The following ZNF148 variants were observed in gnomAD, a reference collection of about 807,000 sequenced individuals.
The protein encoded by ZNF148 is zinc finger protein 148.
Under a neutral mutation model 67.7 loss-of-function variants are expected in ZNF148, and 7 were observed. That is an observed-to-expected ratio of 0.10 (90% CI 0.06 to 0.19). The LOEUF is 0.19. Among genes scored for constraint, ZNF148 ranks in the 10% least tolerant of loss-of-function variants. The pLI is 1.00. For synonymous variants in ZNF148, 333 were observed against 330.7 expected (o/e 1.01, Z -0.08); for missense variants, 583 against 947.1 (o/e 0.62, Z 5.05).
At chr3:125,279,937 G>A (rs1938287580) in intron 5 of ZNF148, among the ~76,000 whole-genome samples, 1 of 151,630 alleles carries the variant, frequency 6.6e-6, no homozygotes, top group Non-Finnish European at 1.5e-5. Context: ...ATGGGAGGGA[G>A]GTTTTACACT....
chr3:125,367,821 A>G (rs1942747448), intron 1 of ZNF148, among the ~76,000 whole-genome samples: 1 of 152,218 alleles, frequency 6.6e-6, no homozygotes, highest in South Asian at 2.1e-4. Context: ...GTACAGGCTC[A>G]TAAAAGAACA....
Position 125,234,188 on chromosome 3 carries a change from G to T in ZNF148, c.786+23C>A, listed in dbSNP as rs375288514. 20 of 1,469,898 alleles carry T rather than the reference G, an allele frequency of 1.4e-5. No individual in the cohort carries two copies. The Admixed American group carries it at 3.2e-4, about 23-fold the overall frequency. 91.1% of individuals were successfully genotyped at this position (1,469,898 alleles called of 1,614,324 possible). On this transcript the variant is annotated intron_variant, in intron 8 of 8. Coordinates refer to ENST00000360647, the MANE Select transcript of ZNF148 (RefSeq NM_021964.3). ...ATTGTATAATTTAATTACAGTAGAA[G>T]AATTTCAAGCCATCTCTCTTACCTG...
At chr3:125,280,061 T>C (rs536166743) in intron 5 of ZNF148, among the ~76,000 whole-genome samples, 1 of 152,292 alleles carries the variant, frequency 6.6e-6, no homozygotes, top group African/African-American at 2.4e-5. Context: ...TGTTTCAGTC[T>C]AGGATCACTA....
intron 7 of ZNF148, among the ~76,000 whole-genome samples, chr3:125,258,522 C>A (rs558330546): frequency 4.4e-4 from 67 of 151,620 alleles, no homozygotes; most frequent in African/African-American, 1.6e-3. Context: ...CCACCTTATC[C>A]TCCCAAGTAG....
intron 2 of ZNF148, among the ~76,000 whole-genome samples, chr3:125,324,126 A>G (rs2107695809): frequency 6.6e-6 from 1 of 152,268 alleles, no homozygotes; most frequent in East Asian, 1.9e-4. Flanking sequence ...GCACATGTAT[A>G]CATATGTAAC....
intron 7 of ZNF148, among the ~76,000 whole-genome samples, chr3:125,246,675 T>C (rs1221289913): frequency 1.3e-5 from 2 of 152,194 alleles, no homozygotes; most frequent in Non-Finnish European, 2.9e-5. Flanking sequence ...TACTTACATA[T>C]TGATTATACG....
chr3:125,268,833 A>G (rs1937600212), intron 7 of ZNF148, among the ~76,000 whole-genome samples: 2 of 152,288 alleles, frequency 1.3e-5, no homozygotes, highest in South Asian at 4.1e-4. Context: ...AACTGCAACA[A>G]AAACAAAAAT....
intron 5 of ZNF148, among the ~76,000 whole-genome samples, chr3:125,284,126 A>G (rs1490191929): frequency 6.6e-6 from 1 of 152,174 alleles, no homozygotes; most frequent in Admixed American, 6.6e-5. Flanking sequence ...AGACCTATAT[A>G]ATATATACAA....
intron 3 of ZNF148, among the ~76,000 whole-genome samples, chr3:125,316,900 A>G (rs1362523919): frequency 6.6e-6 from 1 of 152,148 alleles, no homozygotes; most frequent in African/African-American, 2.4e-5. Flanking sequence ...AGCCAAAACA[A>G]TAAATATTGA....
chr3:125,316,730 G>A (rs956842926), intron 3 of ZNF148, among the ~76,000 whole-genome samples: 4 of 151,920 alleles, frequency 2.6e-5, no homozygotes, highest in Admixed American at 6.6e-5. Context: ...TTTGAGCTCC[G>A]TATATATTCT....
rs1935615219 is a variant in ZNF148, at chr3:125,225,938, C to T, written c.*6403G>A. 1 of 152,342 alleles carries T rather than the reference C, an allele frequency of 6.6e-6. No individual in the cohort carries two copies. Among genetic ancestry groups the T allele is most frequent in the African/African-American group, 2.4e-5 (1 of 41,562 alleles). 9.4% of individuals were successfully genotyped at this position (152,342 alleles called of 1,614,324 possible). A position where few individuals can be genotyped will look rare whatever the true frequency, so the allele number is the denominator to read the frequency against. ...CCATGGACCCAGACTGCACTCCTAACCACAGACAACTTTCTTACAATGCAT... is the reference window on the plus strand; with the variant it reads ...CCATGGACCCAGACTGCACTCCTAATCACAGACAACTTTCTTACAATGCAT... On this transcript the variant is annotated 3_prime_UTR_variant, in exon 9 of 9. Coordinates refer to ENST00000360647, the MANE Select transcript of ZNF148 (RefSeq NM_021964.3).
At chr3:125,300,382 T>G (rs1939524500) in intron 4 of ZNF148, among the ~76,000 whole-genome samples, 1 of 152,190 alleles carries the variant, frequency 6.6e-6, no homozygotes, top group African/African-American at 2.4e-5. Flanking sequence ...AAACTACTAC[T>G]GAATCCCTCA....
chr3:125,271,104 C>G (rs963533856), intron 7 of ZNF148, among the ~76,000 whole-genome samples: 1 of 151,874 alleles, frequency 6.6e-6, no homozygotes, highest in Non-Finnish European at 1.5e-5. Context: ...ACTTATTTTC[C>G]AAATTTCCAA....
intron 1 of ZNF148, among the ~76,000 whole-genome samples, chr3:125,331,446 C>T (rs1237902611): frequency 6.6e-6 from 1 of 152,200 alleles, no homozygotes; most frequent in African/African-American, 2.4e-5. Context: ...GATATCACAA[C>T]AATGACTCAC....
intron 4 of ZNF148, among the ~76,000 whole-genome samples, chr3:125,307,946 C>T (rs1261030212): frequency 3.3e-5 from 5 of 152,076 alleles, no homozygotes; most frequent in African/African-American, 1.2e-4. Context: ...TTAGCCACTG[C>T]ACCCGGCCCC....
At chr3:125,243,514 G>A (rs1386662790) in intron 7 of ZNF148, among the ~76,000 whole-genome samples, 3 of 152,092 alleles carry the variant, frequency 2.0e-5, no homozygotes, top group South Asian at 2.1e-4. Flanking sequence ...GTGTACTTTC[G>A]TATGTTTCTG....
intron 4 of ZNF148, among the ~76,000 whole-genome samples, chr3:125,293,607 A>G (rs1322401076): frequency 6.6e-6 from 1 of 152,246 alleles, no homozygotes; most frequent in African/African-American, 2.4e-5. Flanking sequence ...CATAAGACCC[A>G]GACTGAAAGA....
At chr3:125,247,356 G>A (rs912454674) in intron 7 of ZNF148, among the ~76,000 whole-genome samples, 1 of 152,120 alleles carries the variant, frequency 6.6e-6, no homozygotes, top group African/African-American at 2.4e-5. Flanking sequence ...GCAGAGTTAT[G>A]AAATTACACA....
chr3:125,258,255 T>C (rs1299104453), intron 7 of ZNF148, among the ~76,000 whole-genome samples: 1 of 151,778 alleles, frequency 6.6e-6, no homozygotes, highest in Admixed American at 6.6e-5. Context: ...ACCCCATCTC[T>C]ACTAAAAAAT....
Sources: allele counts gnomAD v4.1 joint callset (sites outside exome capture counted in the v4.1 genomes callset), GRCh38; gene constraint gnomAD v4.1.1; transcripts MANE v1.5; gene names NCBI Gene and HGNC (gene_info 2026-07-23, HGNC 2026-07-21).